Variants in SPAG16 observed in about 807,000 individuals in gnomAD.
SPAG16 encodes the protein sperm-associated antigen 16 protein.
In SPAG16, 86 loss-of-function variants were observed where a neutral mutation model predicts 80.4. The observed-to-expected ratio is 1.07, with a 90% CI of 0.90 to 1.28. The LOEUF is 1.28. SPAG16 is among the 50% of genes most tolerant of loss of function. The pLI, the probability that SPAG16 is intolerant of heterozygous loss-of-function variation, is 0.00. For missense variants in SPAG16, 870 were observed against 765.3 expected (o/e 1.14, Z -1.61); for synonymous variants, 294 against 265.9 (o/e 1.11, Z -1.03).
rs573625918 is a variant in SPAG16, at chr2:214,196,480, G to A, written c.1720+47214G>A. Among the ~76,000 whole-genome samples, 7 of 152,102 alleles carry A rather than the reference G, an allele frequency of 4.6e-5. No homozygotes were observed. The East Asian group carries it at 1.2e-3, about 25-fold the overall frequency. On this transcript the variant is annotated intron_variant, in intron 15 of 15. Transcript: ENST00000331683. ...ATAGTTCAGGGATTGCACAATAAAG[G>A]CAACTATCATTGCTAAATTCAGAAT... is the stretch of plus-strand genomic sequence containing the variant.
In SPAG16 at chr2:213,678,956, G is replaced by A. The variant is rs372892216; in HGVS notation, c.1071-183529G>A. Among the ~76,000 whole-genome samples, 23 of 152,244 alleles carry A rather than the reference G, an allele frequency of 1.5e-4. No homozygotes were observed. In the East Asian group the frequency reaches 3.7e-3, roughly 24 times the overall value. Reference sequence around the variant, plus strand: ...CCTGTCAAGACTTGTAGGAGGTTTAGGAGAGGCTGTTCTGGGGAATGTGCA... The same window carrying A: ...CCTGTCAAGACTTGTAGGAGGTTTAAGAGAGGCTGTTCTGGGGAATGTGCA... On this transcript the variant is annotated intron_variant, in intron 10 of 15. Coordinates refer to ENST00000331683, the MANE Select transcript of SPAG16 (RefSeq NM_024532.5).
chr2:213,973,101 G>T (rs1261933035), intron 12 of SPAG16, among the ~76,000 whole-genome samples: 1 of 152,166 alleles, frequency 6.6e-6, no homozygotes, highest in Non-Finnish European at 1.5e-5. Context: ...CTTCCTACTT[G>T]TGCTGAGTGT....
chr2:213,779,298 C>A (rs1044840041), intron 10 of SPAG16, among the ~76,000 whole-genome samples: 1 of 152,180 alleles, frequency 6.6e-6, no homozygotes, highest in South Asian at 2.1e-4. Context: ...ACCAAACCTT[C>A]AACTCCACAT....
intron 12 of SPAG16, among the ~76,000 whole-genome samples, chr2:213,970,739 G>A (rs1394225433): frequency 1.3e-5 from 2 of 152,154 alleles, no homozygotes; most frequent in Non-Finnish European, 2.9e-5. Context: ...GGATATGCAT[G>A]AACATAAACA....
At chr2:213,352,647 T>G (rs2065398038) in intron 7 of SPAG16, among the ~76,000 whole-genome samples, 1 of 152,218 alleles carries the variant, frequency 6.6e-6, no homozygotes, top group Admixed American at 6.5e-5. Context: ...AAATATTTCT[T>G]TTTACTCACT....
chr2:214,224,794 A>G (rs955929680), intron 15 of SPAG16, among the ~76,000 whole-genome samples: 12 of 152,210 alleles, frequency 7.9e-5, no homozygotes, highest in Non-Finnish European at 1.8e-4. Flanking sequence ...AAACACCAAT[A>G]TAAGTGAGGC....
rs374274176 is a variant in SPAG16 at position 213,980,725 on chromosome 2, T to TATATATATATATAGAGAGAGAG, written c.1401-33225_1401-33224insTATATATATATAGAGAGAGAGA. Among the ~76,000 whole-genome samples, 58 of 103,960 alleles carry TATATATATATATAGAGAGAGAG rather than the reference T, an allele frequency of 5.6e-4. 2 individuals are homozygous for TATATATATATATAGAGAGAGAG. The highest frequency in any genetic ancestry group is 1.9e-3 in the South Asian group (5 of 2,682). The allele number at this position is 103,960 out of a possible 152,430, so 68.2% of individuals were successfully genotyped here. The stretch of plus-strand genomic sequence containing the variant: ...GTGTGTGTGTGTGTATATATATATA[T>TATATATATATATAGAGAGAGAG]AGAGAGAGAGAGAGAGAGAGAGAGA... On this transcript the variant is annotated intron_variant, in intron 12 of 15. Coordinates refer to ENST00000331683, the MANE Select transcript of SPAG16 (RefSeq NM_024532.5).
At chr2:214,300,946 C>CACA (rs1330191388) in intron 15 of SPAG16, among the ~76,000 whole-genome samples, 1 of 150,616 alleles carries the variant, frequency 6.6e-6, no homozygotes, top group Admixed American at 6.6e-5. Context: ...CAGGCAAGGA[C>CACA]ACAACAACAA....
intron 10 of SPAG16, among the ~76,000 whole-genome samples, chr2:213,509,066 G>A (rs565144303): frequency 2.1e-4 from 31 of 151,000 alleles, no homozygotes; most frequent in Non-Finnish European, 4.3e-4. Context: ...ATGCAATCTC[G>A]GCTCACTGCA....
chr2:213,975,523 T>A (rs1459591023), intron 12 of SPAG16, among the ~76,000 whole-genome samples: 2 of 151,816 alleles, frequency 1.3e-5, no homozygotes, highest in Non-Finnish European at 2.9e-5. Context: ...CAAATGATGA[T>A]GAGAAAAGAG....
chr2:214,025,471 C>G (rs747760018), intron 13 of SPAG16, among the ~76,000 whole-genome samples: 1 of 151,626 alleles, frequency 6.6e-6, no homozygotes, highest in Non-Finnish European at 1.5e-5. Flanking sequence ...ATTAAAACTT[C>G]AATAGTGATG....
chr2:213,403,551 G>T (rs551674345), intron 9 of SPAG16, among the ~76,000 whole-genome samples: 1 of 152,022 alleles, frequency 6.6e-6, no homozygotes, highest in African/African-American at 2.4e-5. Context: ...TTGATGGGTC[G>T]TATCTCAAAA....
chr2:214,409,161 A>G (rs958767636), intron 15 of SPAG16, among the ~76,000 whole-genome samples: 10 of 146,270 alleles, frequency 6.8e-5, no homozygotes, highest in Admixed American at 6.7e-4. Flanking sequence ...AGCACTAAAT[A>G]TAAGGATCAT....
At chr2:214,210,062 C>G (rs1454275522) in intron 15 of SPAG16, among the ~76,000 whole-genome samples, 1 of 151,982 alleles carries the variant, frequency 6.6e-6, no homozygotes, top group Admixed American at 6.6e-5. Context: ...TTTTCTTAAT[C>G]TGCTTGATCA....
At chr2:213,339,263 C>T (rs1448562013) in intron 5 of SPAG16, among the ~76,000 whole-genome samples, 3 of 152,128 alleles carry the variant, frequency 2.0e-5, no homozygotes, top group Non-Finnish European at 2.9e-5. Context: ...TTATGTGAAT[C>T]AAAATTTTGA....
chr2:214,337,352 G>GT (rs199624487), intron 15 of SPAG16, among the ~76,000 whole-genome samples: 4,416 of 152,186 alleles, frequency 0.029, 96 homozygotes, highest in Non-Finnish European at 0.045. Context: ...CTCTCACACA[G>GT]TTTTTTCTGT....
intron 10 of SPAG16, among the ~76,000 whole-genome samples, chr2:213,518,256 T>G (rs1429254863): frequency 6.6e-6 from 1 of 152,182 alleles, no homozygotes; most frequent in African/African-American, 2.4e-5. Context: ...AAAACCATCG[T>G]ACACCAGGCA....
At chr2:214,025,597 G>C (rs1181178093) in intron 13 of SPAG16, among the ~76,000 whole-genome samples, 6 of 151,636 alleles carry the variant, frequency 4.0e-5, no homozygotes, top group African/African-American at 1.4e-4. Context: ...TTTGTGGCAA[G>C]TGTTTCCGGC....
chr2:214,114,817 T>C (rs2005905), intron 14 of SPAG16, among the ~76,000 whole-genome samples: 130,362 of 152,116 alleles, frequency 0.86, 56,622 homozygotes, highest in Non-Finnish European at 0.92. Flanking sequence ...CTGCACCCAC[T>C]GTCCAACCAG....
Sources: gnomAD v4.1 joint callset for allele counts (sites outside exome capture counted in the v4.1 genomes callset) on GRCh38, gnomAD v4.1.1 for gene constraint, MANE v1.5 for transcripts, NCBI Gene and HGNC (gene_info 2026-07-23, HGNC 2026-07-21) for gene names.